PLCE1: variants seen among roughly 807,000 people sequenced by gnomAD.
The protein encoded by PLCE1 is 1-phosphatidylinositol 4,5-bisphosphate phosphodiesterase epsilon-1.
Under a neutral mutation model 242.8 loss-of-function variants are expected in PLCE1, and 119 were observed. The observed-to-expected ratio is 0.49, with a 90% CI of 0.42 to 0.57. The LOEUF is 0.57. Among genes scored for constraint, PLCE1 ranks in the 20% least tolerant of loss-of-function variants. The pLI, the probability that PLCE1 is intolerant of heterozygous loss-of-function variation, is 0.00. For synonymous variants in PLCE1, 945 were observed against 1,017.4 expected (o/e 0.93, Z 1.35); for missense variants, 2,441 against 2,788.8 (o/e 0.88, Z 2.81).
chr10:94,118,489 G>C (rs941641254), intron 2 of PLCE1, among the ~76,000 whole-genome samples: 1 of 152,210 alleles, frequency 6.6e-6, no homozygotes, highest in African/African-American at 2.4e-5. Context: ...GAGGGACCCA[G>C]TGGGGGATGA....
At chr10:94,101,758 C>A (rs1022858871) in intron 2 of PLCE1, among the ~76,000 whole-genome samples, 1 of 152,106 alleles carries the variant, frequency 6.6e-6, no homozygotes, top group Non-Finnish European at 1.5e-5. Flanking sequence ...GTTGTGGGCA[C>A]GGGAAGGATG....
intron 1 of PLCE1, among the ~76,000 whole-genome samples, chr10:94,025,457 T>TA (rs1205824388): frequency 6.6e-6 from 1 of 152,206 alleles, no homozygotes; most frequent in African/African-American, 2.4e-5. Context: ...GCCTGATAGA[T>TA]AATACATGCT....
In PLCE1 at chr10:94,285,991, G is replaced by A. The variant is rs375540024; in HGVS notation, c.5035+1026G>A. ...TATACTGCCTGGCCTCTCTTGTTTC[G>A]GGCTGTTTTCAATGAGGTACTCAAT... is the stretch of plus-strand genomic sequence containing the variant. On this transcript the variant is annotated intron_variant, in intron 22 of 32. Transcript: ENST00000371380. Among the ~76,000 whole-genome samples, 269 of 152,192 alleles carry A rather than the reference G, an allele frequency of 1.8e-3. 2 individuals are homozygous for A. The highest frequency in any genetic ancestry group is 5.9e-3 in the African/African-American group (246 of 41,524).
intron 2 of PLCE1, among the ~76,000 whole-genome samples, chr10:94,096,078 T>C (rs75406176): frequency 0.032 from 4,899 of 152,292 alleles, 120 homozygotes; most frequent in Non-Finnish European, 0.045. Flanking sequence ...ATTGCTGAGA[T>C]GGCTTCAAAA....
At chr10:94,273,834 C>T in intron 19 of PLCE1, 114 bp downstream of exon 19, 1 of 981,810 alleles carries the variant, frequency 1.0e-6, no homozygotes, top group Non-Finnish European at 1.6e-6. Flanking sequence ...TCAAGACTGA[C>T]TTTCCTTAAA....
In PLCE1 at chr10:94,310,273, C is replaced by G. The variant is rs559444083; in HGVS notation, c.6003+1574C>G. Among the ~76,000 whole-genome samples, 76 of 152,328 alleles carry G rather than the reference C, an allele frequency of 5.0e-4. 1 individual carries two copies. Among genetic ancestry groups the G allele is most frequent in the Non-Finnish European group, 9.7e-4 (66 of 68,032 alleles). ...ACTTTCTGCTTTCTTTTCTGCCCTT[C>G]TCCTGCCCTCACCACTATCAGTTTT... is the stretch of plus-strand genomic sequence containing the variant. On this transcript the variant is annotated intron_variant, in intron 27 of 32. Transcript: ENST00000371380.
At chr10:94,087,581 C>G (rs533304807) in intron 2 of PLCE1, among the ~76,000 whole-genome samples, 2 of 151,826 alleles carry the variant, frequency 1.3e-5, no homozygotes, top group Non-Finnish European at 2.9e-5. Flanking sequence ...AGACTACAGG[C>G]GCACACCACC....
At chr10:94,241,789 G>GAA (rs772085555) in intron 7 of PLCE1, among the ~76,000 whole-genome samples, 12 of 67,042 alleles carry the variant, frequency 1.8e-4, no homozygotes, top group South Asian at 4.7e-4. Context: ...TCCATCTCCA[G>GAA]AAAAAAAAAA....
intron 4 of PLCE1, among the ~76,000 whole-genome samples, chr10:94,173,832 T>C (rs907392227): frequency 2.0e-5 from 3 of 152,222 alleles, no homozygotes; most frequent in Non-Finnish European, 4.4e-5. Context: ...CTCAAGCATC[T>C]ATTTTCATAC....
intron 4 of PLCE1, among the ~76,000 whole-genome samples, chr10:94,193,766 C>G (rs184798782): frequency 1.3e-5 from 2 of 152,306 alleles, no homozygotes; most frequent in East Asian, 3.9e-4. Flanking sequence ...TCTGCCTCCA[C>G]GGGGTTTAAC....
chr10:94,262,361 T>C (rs1450244815), intron 13 of PLCE1, 133 bp from the exon 14 acceptor site: 3 of 773,350 alleles, frequency 3.9e-6, no homozygotes, highest in Non-Finnish European at 7.1e-6. Flanking sequence ...AAATAAACAC[T>C]TCTTTGATGG....
chr10:94,126,786 C>G (rs2135842985), intron 2 of PLCE1, among the ~76,000 whole-genome samples: 1 of 152,310 alleles, frequency 6.6e-6, no homozygotes, highest in Middle Eastern at 3.4e-3. Context: ...TTAGACTTAA[C>G]TTGACTATTT....
At chr10:94,311,577 C>G (rs2053388294) in intron 27 of PLCE1, among the ~76,000 whole-genome samples, 1 of 152,234 alleles carries the variant, frequency 6.6e-6, no homozygotes, top group Non-Finnish European at 1.5e-5. Context: ...GTAGATCATC[C>G]TGGCCTTCTG....
In PLCE1 at chr10:94,298,386, T is replaced by C. The variant is rs752359550; in HGVS notation, c.5175T>C (p.Cys1725=). ...ATTTCTTGGGGGGTTTAGGTTCCTG[T>C]GAAGGCATTCGACAGACCTGGGAGG... ...SFNKTSGKSS[C]EGIRQTWEES... is the part of the protein sequence containing the mutation. Residue 1725 remains cysteine, a synonymous_variant, in exon 24 of 33, where the codon TGT becomes TGC. Transcript: ENST00000371380. This position sits in a 1 kb window ranked among gnomAD's most constrained non-coding sequence, Gnocchi z 5.2. 1.2e-5 allele frequency: 19 copies of C among 1,614,044 alleles called. 1 individual carries two copies. Among genetic ancestry groups the C allele is most frequent in the Admixed American group, 1.7e-5 (1 of 60,010 alleles).
intron 2 of PLCE1, among the ~76,000 whole-genome samples, chr10:94,056,890 T>C (rs1300188923): frequency 1.3e-5 from 2 of 148,922 alleles, no homozygotes; most frequent in Non-Finnish European, 3.0e-5. Context: ...ATTTCATATA[T>C]GGAATCACGC....
chr10:94,169,699 G>A (rs151259423), intron 3 of PLCE1, among the ~76,000 whole-genome samples: 1 of 152,288 alleles, frequency 6.6e-6, no homozygotes, highest in Non-Finnish European at 1.5e-5. Flanking sequence ...TCAACTTTGA[G>A]TCACCCTGAG....
intron 4 of PLCE1, among the ~76,000 whole-genome samples, chr10:94,220,781 G>T (rs2049713689): frequency 6.6e-6 from 1 of 152,102 alleles, no homozygotes; most frequent in Non-Finnish European, 1.5e-5. Flanking sequence ...ACAATTTTAG[G>T]AGGTAAACAG....
At position 94,245,818 on chromosome 10, in the gene PLCE1, T is replaced by C. The variant is rs1022232325; in HGVS notation, c.2421-128T>C. Reference sequence around the variant, plus strand: ...AGAAGTTACTGTGTGCTATTTAGTATTTTGTATTTCCTATGCTAATTTGAA... The same window carrying C: ...AGAAGTTACTGTGTGCTATTTAGTACTTTGTATTTCCTATGCTAATTTGAA... On this transcript the variant is annotated intron_variant, in intron 7 of 32. Coordinates refer to ENST00000371380, the MANE Select transcript of PLCE1 (RefSeq NM_016341.4). 19 of 798,666 alleles carry C rather than the reference T, an allele frequency of 2.4e-5. No individual in the cohort carries two copies. In the African/African-American group the frequency reaches 3.1e-4, roughly 13 times the overall value. The allele number at this position is 798,666 out of a possible 1,614,324, so 49.5% of individuals were successfully genotyped here. A position where few individuals can be genotyped will look rare whatever the true frequency, so the allele number is the denominator to read the frequency against.
chr10:94,061,442 G>C (rs2044053178), intron 2 of PLCE1, among the ~76,000 whole-genome samples: 1 of 152,204 alleles, frequency 6.6e-6, no homozygotes, highest in Non-Finnish European at 1.5e-5. Flanking sequence ...CAGGACAAAT[G>C]AGAACTCCTT....
Sources: gnomAD v4.1 joint callset for allele counts (sites outside exome capture counted in the v4.1 genomes callset) on GRCh38, gnomAD v4.1.1 for gene constraint, Gnocchi (gnomAD v3.1) non-coding constraint, MANE v1.5 for transcripts, NCBI Gene and HGNC (gene_info 2026-07-23, HGNC 2026-07-21) for gene names.